FOXP2: variants seen among roughly 807,000 people sequenced by gnomAD.
FOXP2 encodes the protein forkhead box protein P2.
A neutral mutation model predicts 115.8 loss-of-function variants in FOXP2; 12 were observed. That is an observed-to-expected ratio of 0.10 (90% CI 0.07 to 0.17). The LOEUF is 0.17. FOXP2 is among the 10% of genes least tolerant of loss of function. FOXP2 has a pLI of 1.00. For missense variants in FOXP2, 629 were observed against 843.5 expected, an observed-to-expected ratio of 0.75 and a Z score of 3.15; for synonymous variants, 328 against 297.7, an observed-to-expected ratio of 1.10 and a Z score of -1.05.
intron 3 of FOXP2, among the ~76,000 whole-genome samples, chr7:114,545,322 T>A (rs2129283631): frequency 6.6e-6 from 1 of 152,320 alleles, no homozygotes; most frequent in Non-Finnish European, 1.5e-5. Flanking sequence ...TGTTTATATA[T>A]TTATTGTCTA....
chr7:114,535,692 A>G (rs943098166), intron 3 of FOXP2, among the ~76,000 whole-genome samples: 1 of 151,602 alleles, frequency 6.6e-6, no homozygotes, highest in African/African-American at 2.4e-5. Context: ...AAAATTAGTT[A>G]TTACCTAAAA....
intron 2 of FOXP2, among the ~76,000 whole-genome samples, chr7:114,387,069 G>A (rs1562898542): frequency 6.6e-6 from 1 of 152,068 alleles, no homozygotes; most frequent in East Asian, 1.9e-4. Flanking sequence ...AACTTCAAAA[G>A]TTAAGTGCTA....
At chr7:114,148,215 T>C (rs374721593) in intron 1 of FOXP2, among the ~76,000 whole-genome samples, 6 of 152,334 alleles carry the variant, frequency 3.9e-5, no homozygotes, top group East Asian at 1.9e-4. Context: ...GGGAGTTACA[T>C]TGAGTTTATG....
chr7:114,129,282 T>G (rs1791807670), intron 1 of FOXP2, among the ~76,000 whole-genome samples: 1 of 152,192 alleles, frequency 6.6e-6, no homozygotes, highest in African/African-American at 2.4e-5. Flanking sequence ...AGTTCTGTGT[T>G]TTAGTGAACT....
chr7:114,512,730 A>T (rs1015559604), intron 2 of FOXP2, among the ~76,000 whole-genome samples: 1 of 152,186 alleles, frequency 6.6e-6, no homozygotes, highest in Non-Finnish European at 1.5e-5. Flanking sequence ...TTTAAAAATT[A>T]GTAGTATAGT....
At chr7:114,557,807 A>ATTTATTTATTTC (rs1800539974) in intron 3 of FOXP2, among the ~76,000 whole-genome samples, 1 of 151,094 alleles carries the variant, frequency 6.6e-6, no homozygotes, top group African/African-American at 2.4e-5. Flanking sequence ...TTATTTATTT[A>ATTTATTTATTTC]TTTATTTATT....
intron 1 of FOXP2, among the ~76,000 whole-genome samples, chr7:114,422,391 G>A (rs997513739): frequency 1.3e-5 from 2 of 151,622 alleles, no homozygotes; most frequent in African/African-American, 4.8e-5. Context: ...ACCAAAATGA[G>A]AGTTAATATT....
chr7:114,254,510 C>G (rs562934624), intron 1 of FOXP2, among the ~76,000 whole-genome samples: 1 of 152,218 alleles, frequency 6.6e-6, no homozygotes, highest in South Asian at 2.1e-4. Flanking sequence ...TCTTTTTTCT[C>G]TAAACTTCTC....
rs1431666624 is a variant in FOXP2 at position 114,516,046 on chromosome 7, T to C, written c.169-18571T>C. Among the ~76,000 whole-genome samples, 2 of 152,224 alleles carry C rather than the reference T, an allele frequency of 1.3e-5. 1 individual carries two copies. The highest frequency in any genetic ancestry group is 4.8e-5 in the African/African-American group (2 of 41,548). On this transcript the variant is annotated intron_variant, in intron 2 of 16. Transcript: ENST00000350908. ...GCTACCAATGACTTTCTTCACAGAA[T>C]TGGAAAAAACTACTTTAAAGTTCAT...
chr7:114,372,716 T>C (rs1584674199), intron 2 of FOXP2, among the ~76,000 whole-genome samples: 1 of 152,282 alleles, frequency 6.6e-6, no homozygotes, highest in East Asian at 1.9e-4. Flanking sequence ...TTAGGGTTTT[T>C]TTTTGGTTTT....
chr7:114,378,684 CAAAA>C (rs398005920), intron 2 of FOXP2, among the ~76,000 whole-genome samples: 1 of 18,094 alleles, frequency 5.5e-5, no homozygotes, highest in African/African-American at 1.9e-4. Context: ...ACCCTGTCTC[CAAAA>C]AAAAAAAAAA....
At chr7:114,486,270 G>T (rs1425917559) in intron 2 of FOXP2, among the ~76,000 whole-genome samples, 1 of 152,052 alleles carries the variant, frequency 6.6e-6, no homozygotes, top group African/African-American at 2.4e-5. Context: ...TGGCAGGCAA[G>T]AGCACATGTG....
At chr7:114,091,768 T>TA (rs1799547880) in intron 1 of FOXP2, among the ~76,000 whole-genome samples, 1 of 152,048 alleles carries the variant, frequency 6.6e-6, no homozygotes, top group Non-Finnish European at 1.5e-5. Flanking sequence ...TGGTTAAATT[T>TA]ACTCAATTTA....
intron 2 of FOXP2, among the ~76,000 whole-genome samples, chr7:114,429,957 T>G (rs895466257): frequency 6.6e-6 from 1 of 151,640 alleles, no homozygotes; most frequent in Non-Finnish European, 1.5e-5. Flanking sequence ...CCCTGATAAT[T>G]TGATCAAGGA....
intron 3 of FOXP2, among the ~76,000 whole-genome samples, chr7:114,601,246 G>C (rs1039467663): frequency 5.9e-5 from 9 of 152,130 alleles, no homozygotes; most frequent in African/African-American, 2.2e-4. Flanking sequence ...GATTACAGGT[G>C]TGAGCCACCA....
At chr7:114,226,713 T>C (rs903510881) in intron 1 of FOXP2, among the ~76,000 whole-genome samples, 1 of 152,138 alleles carries the variant, frequency 6.6e-6, no homozygotes, top group African/African-American at 2.4e-5. Flanking sequence ...TTTTTTTTGG[T>C]CTGATAAGGT....
intron 1 of FOXP2, among the ~76,000 whole-genome samples, chr7:114,424,113 T>C (rs1350155939): frequency 6.6e-6 from 1 of 151,512 alleles, no homozygotes; most frequent in African/African-American, 2.4e-5. Flanking sequence ...TTAAAAGGAA[T>C]TATAAGTTAT....
At chr7:114,133,551 G>A (rs568950339) in intron 1 of FOXP2, among the ~76,000 whole-genome samples, 3 of 152,312 alleles carry the variant, frequency 2.0e-5, no homozygotes, top group Admixed American at 6.5e-5. Flanking sequence ...AAATAAGGAA[G>A]AACCAGTCCT....
intron 1 of FOXP2, among the ~76,000 whole-genome samples, chr7:114,213,475 A>G (rs539177518): frequency 4.9e-4 from 74 of 152,356 alleles, no homozygotes; most frequent in African/African-American, 1.7e-3. Flanking sequence ...TAGTAATGTC[A>G]GTTGACATAA....
Sources: allele counts gnomAD v4.1 joint callset (sites outside exome capture counted in the v4.1 genomes callset), GRCh38; gene constraint gnomAD v4.1.1; transcripts MANE v1.5; gene names NCBI Gene and HGNC (gene_info 2026-07-23, HGNC 2026-07-21).